ABHD6: variants seen among roughly 807,000 people sequenced by gnomAD.
The protein encoded by ABHD6 is abhydrolase domain containing 6, acylglycerol lipase.
ABHD6 carries 33 observed loss-of-function variants against 38.8 expected under a neutral mutation model. The ratio of observed to expected loss-of-function variants is 0.85; its 90% confidence interval spans 0.64 to 1.14. The LOEUF (loss-of-function observed/expected upper bound fraction) is 1.14. ABHD6 is among the 50% of genes most tolerant of loss of function. The pLI, the probability that ABHD6 is intolerant of heterozygous loss-of-function variation, is 0.00. For missense variants in ABHD6, 380 were observed against 422.6 expected (o/e 0.90, Z 0.88); for synonymous variants, 147 against 161.6 (o/e 0.91, Z 0.69).
chr3:58,269,199 C>A lies in ABHD6; in HGVS notation c.277-122C>A, dbSNP rs1476463300. The A allele has an allele frequency of 3.0e-6, 2 of 671,452 alleles. No homozygotes were observed. The highest frequency in any genetic ancestry group is 5.4e-6 in the Non-Finnish European group (2 of 369,908). The allele number at this position is 671,452 out of a possible 1,614,324, so 41.6% of individuals were successfully genotyped here. A position where few individuals can be genotyped will look rare whatever the true frequency, so the allele number is the denominator to read the frequency against. On this transcript the variant is annotated intron_variant, in intron 4 of 9. Transcript: ENST00000478253. The surrounding 1 kb of genome is among the most constrained non-coding windows in gnomAD (Gnocchi z 4.4). The stretch of plus-strand genomic sequence containing the variant: ...TTACTGGGGTAAAACACTGAGTGGC[C>A]AAGACCCATACATCCCCAGGGATGG...
rs2097458617 is a variant in ABHD6, at chr3:58,287,844, C to T, written c.837+2391C>T. On this transcript the variant is annotated intron_variant, in intron 9 of 9. Coordinates refer to ENST00000478253, the MANE Select transcript of ABHD6 (RefSeq NM_001320126.2). This position sits in a 1 kb window ranked among gnomAD's most constrained non-coding sequence, Gnocchi z 4.7. ...CATGACCTTGAGCAAGTAACTCAGC[C>T]CCTCTAAATTAAGGGTTTCTGAAAC... is the stretch of plus-strand genomic sequence containing the variant. Among the ~76,000 whole-genome samples the T allele has an allele frequency of 6.6e-6, 1 of 152,154 alleles. No homozygotes were observed. The highest frequency in any genetic ancestry group is 1.9e-4 in the East Asian group (1 of 5,194).
intron 7 of ABHD6, among the ~76,000 whole-genome samples, chr3:58,277,279 CTT>C (rs2097449441): frequency 1.3e-5 from 2 of 152,272 alleles, no homozygotes; most frequent in South Asian, 4.2e-4. Flanking sequence ...TTAGCGTCCT[CTT>C]TTATTTCGTT....
In ABHD6 at chr3:58,256,693, G is replaced by A; in HGVS notation, c.107G>A (p.Arg36Lys). The A allele has an allele frequency of 6.2e-7, 1 of 1,611,820 alleles. No individual in the cohort carries two copies. Among genetic ancestry groups the A allele is most frequent in the Non-Finnish European group, 8.5e-7 (1 of 1,179,282 alleles). ...SFLLWPSALI[R>K]IYYWYWRRTL... ...CTTCTGTGGCCTTCAGCACTGATAA[G>A]AATCTATTATTGGTAAGCCAGTTTT... Residue 36 changes from arginine to lysine, a missense_variant, in exon 3 of 10, where the codon AGA (arginine) becomes AAA (lysine). Physicochemically the swap from Arg to Lys is conservative, Grantham distance 26. Coordinates refer to ENST00000478253, the MANE Select transcript of ABHD6 (RefSeq NM_001320126.2). This position sits in a 1 kb window ranked among gnomAD's most constrained non-coding sequence, Gnocchi z 4.3.
chr3:58,250,408 A>G (rs1484012107), intron 2 of ABHD6, among the ~76,000 whole-genome samples: 3 of 152,134 alleles, frequency 2.0e-5, no homozygotes, highest in Non-Finnish European at 4.4e-5. Context: ...AGGACTGGGA[A>G]GTTGAGCTGG....
Position 58,270,952 on chromosome 3 carries a change from G to A in ABHD6, c.411G>A (p.Leu137=). 39 of 1,609,702 alleles carry A rather than the reference G, an allele frequency of 2.4e-5. No homozygotes were observed. The highest frequency in any genetic ancestry group is 3.2e-5 in the Non-Finnish European group (38 of 1,178,622). ...RIHQFVECLK[L]NKKPFHLVGT... ...CCTAGTTTGTAGAATGCCTGAAGCT[G>A]AACAAAAAACCTTTCCACCTGGTAG... The change falls in exon 6 of 10, where the codon CTG becomes CTA. Residue 137 remains leucine (L), a synonymous_variant. Transcript: ENST00000478253.
rs114664247 is a variant in ABHD6 at position 58,271,751 on chromosome 3, T to A, written c.523+687T>A. On this transcript the variant is annotated intron_variant, in intron 6 of 9. Coordinates refer to ENST00000478253, the MANE Select transcript of ABHD6 (RefSeq NM_001320126.2). ...AAAATCATATTTTTTCTCTCCTCTA[T>A]CTCCCCCTCTCTCTGTTTTTTTTTT... Among the ~76,000 whole-genome samples, 300 of 140,896 alleles carry A rather than the reference T, an allele frequency of 2.1e-3. 2 individuals carry two copies. The highest frequency in any genetic ancestry group is 7.4e-3 in the African/African-American group (291 of 39,466). The allele number at this position is 140,896 out of a possible 152,430, so 92.4% of individuals were successfully genotyped here.
rs1575528904 is a variant in ABHD6 at position 58,280,408 on chromosome 3, T to C, written c.682-4677T>C. Reference sequence around the variant, plus strand: ...GCTATTGAAGCTTGTGCATGCATCATGAAGTTCTCGTGCCATGGTTTTCAG... The same window carrying C: ...GCTATTGAAGCTTGTGCATGCATCACGAAGTTCTCGTGCCATGGTTTTCAG... On this transcript the variant is annotated intron_variant, in intron 7 of 9. Transcript: ENST00000478253. Among the ~76,000 whole-genome samples, 3 of 152,334 alleles carry C rather than the reference T, an allele frequency of 2.0e-5. No individual in the cohort carries two copies. In the East Asian group the frequency reaches 5.8e-4, roughly 29 times the overall value.
chr3:58,247,704 T>C (rs1031039173), intron 1 of ABHD6, among the ~76,000 whole-genome samples: 4 of 151,950 alleles, frequency 2.6e-5, no homozygotes, highest in Admixed American at 2.0e-4. Context: ...CCTCCTGAGT[T>C]GCAGGGACTA....
rs146374995 is a variant in ABHD6 at position 58,247,774 on chromosome 3, C to A, written c.-90-2104C>A. Among the ~76,000 whole-genome samples the A allele has an allele frequency of 7.7e-4, 118 of 152,278 alleles. 2 individuals are homozygous for A. Among genetic ancestry groups the A allele is most frequent in the Middle Eastern group, 3.4e-3 (1 of 294 alleles). ...ATTTTTAGTGGAGTCAGGGTTTCAC[C>A]GTGTTGGCCAGGCTGGTCTCGAACT... is the stretch of plus-strand genomic sequence containing the variant. On this transcript the variant is annotated intron_variant, in intron 1 of 9. Transcript: ENST00000478253.
chr3:58,244,725 C>T lies in ABHD6; in HGVS notation c.-90-5153C>T, dbSNP rs184287110. 3.3e-5 allele frequency among the ~76,000 whole-genome samples: 5 copies of T among 151,764 alleles called. No individual in the cohort carries two copies. The East Asian group carries it at 7.7e-4, about 23-fold the overall frequency. On this transcript the variant is annotated intron_variant, in intron 1 of 9. Transcript: ENST00000478253. Reference sequence around the variant, plus strand: ...GCTGCAGTGCGCCACTACAGTCTAGCCTGGGCAACAGAGCAAGACCCTGTC... The same window carrying T: ...GCTGCAGTGCGCCACTACAGTCTAGTCTGGGCAACAGAGCAAGACCCTGTC...
intron 1 of ABHD6, among the ~76,000 whole-genome samples, chr3:58,242,001 C>T (rs1027766514): frequency 6.6e-6 from 1 of 152,164 alleles, no homozygotes; most frequent in Non-Finnish European, 1.5e-5. Context: ...TGTTGAGCTG[C>T]AAAACTGAAC....
At chr3:58,279,361 T>C (rs1364542625) in intron 7 of ABHD6, among the ~76,000 whole-genome samples, 5 of 152,212 alleles carry the variant, frequency 3.3e-5, no homozygotes, top group African/African-American at 1.2e-4. Flanking sequence ...AATGGCCTTC[T>C]TTGTCTCTTT....
intron 7 of ABHD6, among the ~76,000 whole-genome samples, chr3:58,276,601 A>G (rs2097448914): frequency 6.6e-6 from 1 of 152,170 alleles, no homozygotes; most frequent in Non-Finnish European, 1.5e-5. Context: ...TTTGCTGTGC[A>G]GAAGCTCTTT....
intron 7 of ABHD6, among the ~76,000 whole-genome samples, chr3:58,281,570 C>G (rs1279393291): frequency 1.3e-5 from 2 of 152,220 alleles, no homozygotes; most frequent in Non-Finnish European, 2.9e-5. Context: ...CGATGCCTGC[C>G]CTGCTTCAGC....
At chr3:58,278,113 G>C (rs1575527938) in intron 7 of ABHD6, among the ~76,000 whole-genome samples, 1 of 152,172 alleles carries the variant, frequency 6.6e-6, no homozygotes, top group East Asian at 1.9e-4. Flanking sequence ...GATGATGCAG[G>C]CCTCATAAAA....
intron 3 of ABHD6, among the ~76,000 whole-genome samples, chr3:58,260,407 G>A (rs1332577245): frequency 2.0e-5 from 3 of 152,206 alleles, no homozygotes; most frequent in African/African-American, 7.2e-5. Flanking sequence ...CATGCCAGGT[G>A]GCATTGTGAC....
At chr3:58,239,937 C>T (rs1250320546) in intron 1 of ABHD6, among the ~76,000 whole-genome samples, 4 of 150,944 alleles carry the variant, frequency 2.6e-5, no homozygotes, top group African/African-American at 9.7e-5. Flanking sequence ...ATCACCTGAA[C>T]CCAGGAGTTC....
At chr3:58,242,011 CTGT>C (rs1192531143) in intron 1 of ABHD6, among the ~76,000 whole-genome samples, 1 of 152,204 alleles carries the variant, frequency 6.6e-6, no homozygotes, top group African/African-American at 2.4e-5. Context: ...CAAAACTGAA[CTGT>C]CAGGAGCATT....
Position 58,273,785 on chromosome 3 carries a change from A to G in ABHD6, c.524-873A>G, listed in dbSNP as rs144272496. Among the ~76,000 whole-genome samples the G allele has an allele frequency of 5.3e-3, 802 of 152,284 alleles. 7 individuals are homozygous for G. Among genetic ancestry groups the G allele is most frequent in the African/African-American group, 0.018 (741 of 41,540 alleles). On this transcript the variant is annotated intron_variant, in intron 6 of 9. Coordinates refer to ENST00000478253, the MANE Select transcript of ABHD6 (RefSeq NM_001320126.2). This position sits in a 1 kb window ranked among gnomAD's most constrained non-coding sequence, Gnocchi z 4.8. ...AAATGCCGAATGCATGAGGGACTTA[A>G]AACCTAGATGACGGGTTGATAGGTG...
Sources: allele counts gnomAD v4.1 joint callset (sites outside exome capture counted in the v4.1 genomes callset), GRCh38; gene constraint gnomAD v4.1.1; non-coding constraint Gnocchi (gnomAD v3.1); transcripts MANE v1.5; gene names NCBI Gene and HGNC (gene_info 2026-07-23, HGNC 2026-07-21).